GRID2: variants seen among roughly 807,000 people sequenced by gnomAD.
GRID2 encodes glutamate receptor ionotropic, delta-2.
GRID2 carries 33 observed loss-of-function variants against 114.8 expected under a neutral mutation model. That is an observed-to-expected ratio of 0.29 (90% confidence interval 0.22 to 0.38). The LOEUF (loss-of-function observed/expected upper bound fraction) is 0.38. GRID2 is among the 10% of genes least tolerant of loss of function. GRID2 has a pLI of 1.00. For missense variants in GRID2, 1,184 were observed against 1,257.7 expected (o/e 0.94, Z 0.89); for synonymous variants, 505 against 449.9 (o/e 1.12, Z -1.55).
chr4:93,005,090 G>C (rs1721373955), intron 2 of GRID2, among the ~76,000 whole-genome samples: 1 of 151,974 alleles, frequency 6.6e-6, no homozygotes, highest in South Asian at 2.1e-4. Context: ...CTGTGCTCCA[G>C]ATTCACTCAT....
At chr4:92,634,366 C>T (rs560988658) in intron 2 of GRID2, among the ~76,000 whole-genome samples, 37 of 152,246 alleles carry the variant, frequency 2.4e-4, no homozygotes, top group Admixed American at 2.2e-3. Context: ...TCCTAGGGCA[C>T]TCTTAAAACT....
At chr4:92,425,418 A>T (rs889941479) in intron 1 of GRID2, among the ~76,000 whole-genome samples, 6 of 152,130 alleles carry the variant, frequency 3.9e-5, no homozygotes, top group African/African-American at 1.4e-4. Flanking sequence ...AGTGTTAGCT[A>T]GCGACTGATC....
intron 2 of GRID2, among the ~76,000 whole-genome samples, chr4:92,850,215 G>A (rs567325289): frequency 7.4e-4 from 111 of 150,694 alleles, no homozygotes; most frequent in African/African-American, 2.6e-3. Context: ...ATAATTATAA[G>A]TGAATCTACA....
chr4:92,470,664 A>G (rs535054971), intron 1 of GRID2, among the ~76,000 whole-genome samples: 1 of 152,122 alleles, frequency 6.6e-6, no homozygotes, highest in Non-Finnish European at 1.5e-5. Context: ...TAGAAACAGG[A>G]AAAGGAGCTC....
intron 6 of GRID2, among the ~76,000 whole-genome samples, chr4:93,220,415 A>T (rs975384782): frequency 4.6e-5 from 7 of 152,174 alleles, no homozygotes; most frequent in African/African-American, 1.7e-4. Flanking sequence ...AAGGCAGAAG[A>T]TAGTGAACAC....
In GRID2 at chr4:93,455,704, CGTGAAAAT is replaced by C; in HGVS notation, c.1592_1599del (p.Glu531GlyfsTer20). The C allele has an allele frequency of 6.2e-7, 1 of 1,612,828 alleles. No homozygotes were observed. Among genetic ancestry groups the C allele is most frequent in the Non-Finnish European group, 8.5e-7 (1 of 1,178,968 alleles). ...TTCTGCTTTAACCATCACTCCAGAT[CGTGAAAAT>C]GTGGTGGACTTTACGACACGTTACA... On this transcript the variant is annotated frameshift_variant, in exon 11 of 16. Transcript: ENST00000282020. LOFTEE classifies it high-confidence loss of function.
At chr4:92,607,189 C>T (rs902236766) in intron 2 of GRID2, among the ~76,000 whole-genome samples, 14 of 151,884 alleles carry the variant, frequency 9.2e-5, no homozygotes, top group African/African-American at 3.4e-4. Flanking sequence ...GCTTAGCGTT[C>T]CAATAATGGA....
chr4:92,574,383 CTA>C (rs1727781506), intron 1 of GRID2, among the ~76,000 whole-genome samples: 1 of 146,592 alleles, frequency 6.8e-6, no homozygotes, highest in Admixed American at 6.8e-5. Flanking sequence ...TATGTGATTG[CTA>C]TATAGTGTTA....
intron 1 of GRID2, among the ~76,000 whole-genome samples, chr4:92,561,617 A>G (rs1486148570): frequency 6.6e-6 from 1 of 152,164 alleles, no homozygotes; most frequent in African/African-American, 2.4e-5. Flanking sequence ...TAGGTGTGGG[A>G]TAGATTATTT....
intron 2 of GRID2, among the ~76,000 whole-genome samples, chr4:92,786,343 C>T (rs992735650): frequency 2.0e-5 from 3 of 151,710 alleles, no homozygotes; most frequent in Non-Finnish European, 2.9e-5. Context: ...CAATATTTAT[C>T]GTGATATCTG....
In GRID2 at chr4:93,024,631, T is replaced by C. The variant is rs1723713673; in HGVS notation, c.245-60364T>C. Reference sequence around the variant, plus strand: ...TAAAGGTTACATTAGTTCTACAGTTTGGTGTGATGGTTTCACTGGCAAATG... The same window carrying C: ...TAAAGGTTACATTAGTTCTACAGTTCGGTGTGATGGTTTCACTGGCAAATG... On this transcript the variant is annotated intron_variant, in intron 2 of 15. Transcript: ENST00000282020. 2.6e-5 allele frequency among the ~76,000 whole-genome samples: 4 copies of C among 151,818 alleles called. No homozygotes were observed. In the South Asian group the frequency reaches 8.3e-4, roughly 31 times the overall value.
chr4:92,737,227 T>TA (rs1736641404), intron 2 of GRID2, among the ~76,000 whole-genome samples: 1 of 152,080 alleles, frequency 6.6e-6, no homozygotes, highest in Non-Finnish European at 1.5e-5. Context: ...AAGATTAAAA[T>TA]AATTCAATGT....
intron 10 of GRID2, among the ~76,000 whole-genome samples, chr4:93,447,095 G>T (rs1722162568): frequency 6.6e-6 from 1 of 151,776 alleles, no homozygotes; most frequent in Non-Finnish European, 1.5e-5. Context: ...AGTAAAAATA[G>T]CAAATGAGCA....
chr4:93,435,459 C>T (rs188004576), intron 10 of GRID2, among the ~76,000 whole-genome samples: 6 of 152,240 alleles, frequency 3.9e-5, no homozygotes, highest in Non-Finnish European at 5.9e-5. Flanking sequence ...CAGCTACTCT[C>T]ACTTTACTTC....
intron 6 of GRID2, among the ~76,000 whole-genome samples, chr4:93,223,566 A>G (rs1402088235): frequency 6.6e-6 from 1 of 152,162 alleles, no homozygotes; most frequent in Non-Finnish European, 1.5e-5. Flanking sequence ...CAATCCATAT[A>G]GTCTCCTGTA....
chr4:92,507,440 T>TG (rs549046253), intron 1 of GRID2, among the ~76,000 whole-genome samples: 59 of 151,394 alleles, frequency 3.9e-4, no homozygotes, highest in African/African-American at 1.2e-3. Context: ...TGTGTGTGTG[T>TG]TTGTGTGTAT....
chr4:92,584,367 T>C lies in GRID2; in HGVS notation c.89-5764T>C, dbSNP rs139591704. ...CAACTAACGTGTATGCAAAATGCAT[T>C]GTCAGAATTAAATTAAAAACTCACT... is the stretch of plus-strand genomic sequence containing the variant. On this transcript the variant is annotated intron_variant, in intron 1 of 15. Coordinates refer to ENST00000282020, the MANE Select transcript of GRID2 (RefSeq NM_001510.4). 6.3e-3 allele frequency among the ~76,000 whole-genome samples: 957 copies of C among 152,072 alleles called. 28 individuals are homozygous for C. Among genetic ancestry groups the C allele is most frequent in the Admixed American group, 0.054 (826 of 15,244 alleles).
intron 13 of GRID2, among the ~76,000 whole-genome samples, chr4:93,600,602 T>G (rs372934216): frequency 6.6e-6 from 1 of 152,292 alleles, no homozygotes; most frequent in East Asian, 1.9e-4. Context: ...GACTAGAACT[T>G]ACATATATTG....
intron 1 of GRID2, among the ~76,000 whole-genome samples, chr4:93,801,034 G>A (rs1270423014): frequency 6.6e-6 from 1 of 152,066 alleles, no homozygotes; most frequent in African/African-American, 2.4e-5. Flanking sequence ...GAAAATAATC[G>A]TTTGTTGGTC....
Sources: allele counts gnomAD v4.1 joint callset (sites outside exome capture counted in the v4.1 genomes callset), GRCh38; gene constraint gnomAD v4.1.1; transcripts MANE v1.5; gene names NCBI Gene and HGNC (gene_info 2026-07-23, HGNC 2026-07-21).